The following TMC5 variants were observed in gnomAD, a reference collection of about 807,000 sequenced individuals.
TMC5 encodes transmembrane channel like 5.
Under a neutral mutation model 110.5 loss-of-function variants are expected in TMC5, and 86 were observed. The observed-to-expected ratio is 0.78, with a 90% CI of 0.65 to 0.93. The LOEUF is 0.93. TMC5 is among the 40% of genes least tolerant of loss of function. TMC5 has a pLI of 0.00. For synonymous variants in TMC5, 455 were observed against 439.5 expected (o/e 1.04, Z -0.44); for missense variants, 1,144 against 1,222.8 (o/e 0.94, Z 0.96).
intron 14 of TMC5, among the ~76,000 whole-genome samples, chr16:19,480,621 G>A (rs1239848743): frequency 6.6e-6 from 1 of 151,980 alleles, no homozygotes. Flanking sequence ...CCTGGCCAAC[G>A]TGGTGAAACC....
intron 17 of TMC5, among the ~76,000 whole-genome samples, chr16:19,489,588 C>G (rs1255696070): frequency 1.3e-5 from 2 of 151,862 alleles, no homozygotes; most frequent in East Asian, 3.9e-4. Context: ...CCCGCCTCGG[C>G]CTCCCAAAGT....
At chr16:19,436,000 G>A (rs60928411) in intron 2 of TMC5, among the ~76,000 whole-genome samples, 4,094 of 152,140 alleles carry the variant, frequency 0.027, 183 homozygotes, top group African/African-American at 0.092. Context: ...GGTGGCTCAC[G>A]TCTGTAATCC....
At chr16:19,467,177 A>T (rs12922495) in intron 9 of TMC5, among the ~76,000 whole-genome samples, 17,546 of 152,002 alleles carry the variant, frequency 0.12, 1,323 homozygotes, top group East Asian at 0.37. Context: ...GAAAAGCAAC[A>T]TGCAATCTCT....
At chr16:19,480,413 T>C (rs1347035685) in intron 14 of TMC5, among the ~76,000 whole-genome samples, 1 of 152,212 alleles carries the variant, frequency 6.6e-6, no homozygotes, top group Non-Finnish European at 1.5e-5. Context: ...CTGATGTTGA[T>C]TATTTTCTCA....
intron 9 of TMC5, among the ~76,000 whole-genome samples, chr16:19,469,023 G>T (rs1968257171): frequency 6.6e-6 from 1 of 151,994 alleles, no homozygotes; most frequent in South Asian, 2.1e-4. Context: ...AACAAGAAAA[G>T]ACATTTTCTG....
At chr16:19,444,929 G>C (rs1262701874) in intron 4 of TMC5, among the ~76,000 whole-genome samples, 1 of 152,154 alleles carries the variant, frequency 6.6e-6, no homozygotes, top group Non-Finnish European at 1.5e-5. Context: ...TCAGGAGTTC[G>C]AGACCAGCCT....
At chr16:19,438,405 A>AAG in intron 2 of TMC5, among the ~76,000 whole-genome samples, 1 of 74,180 alleles carries the variant, frequency 1.3e-5, no homozygotes, top group African/African-American at 5.4e-5. Context: ...AAAAAAAAAA[A>AAG]AAAGAAGAAA....
rs1567305139 is a variant in TMC5, at chr16:19,444,266, G to GTC, written c.958+16_958+17insTC. 1 of 1,611,956 alleles carries GTC rather than the reference G, an allele frequency of 6.2e-7. No homozygotes were observed. Among genetic ancestry groups the GTC allele is most frequent in the Non-Finnish European group, 8.5e-7 (1 of 1,179,172 alleles). On this transcript the variant is annotated intron_variant, in intron 4 of 21. Coordinates refer to ENST00000542583, the MANE Select transcript of TMC5 (RefSeq NM_001261841.2). ...AGTGGCTATGGTAAGCATTTGTTAA[G>GTC]CCAGGATCATATCCTGGGAAAAAAC... is the stretch of plus-strand genomic sequence containing the variant.
intron 2 of TMC5, among the ~76,000 whole-genome samples, chr16:19,432,760 G>A (rs2143415394): frequency 6.6e-6 from 1 of 152,312 alleles, no homozygotes; most frequent in South Asian, 2.1e-4. Flanking sequence ...ATGGAACAGA[G>A]AACTGTCCAA....
Position 19,455,757 on chromosome 16 carries a change from C to T in TMC5, c.1049-4478C>T, listed in dbSNP as rs1469678468. On this transcript the variant is annotated intron_variant, in intron 5 of 21. Transcript: ENST00000542583. ...TGGGAAACTTTGAGCACTATGTCTG[C>T]ACAGGAAATGGAGCTTTTGCTGGTG... Among the ~76,000 whole-genome samples, 4 of 152,110 alleles carry T rather than the reference C, an allele frequency of 2.6e-5. No individual in the cohort carries two copies. The South Asian group carries it at 8.3e-4, about 32-fold the overall frequency.
chr16:19,476,422 C>T (rs1387028091), intron 12 of TMC5, among the ~76,000 whole-genome samples: 2 of 152,102 alleles, frequency 1.3e-5, no homozygotes, highest in African/African-American at 4.8e-5. Context: ...CCTCATTATT[C>T]CCCACATCCC....
chr16:19,479,331 C>G lies in TMC5; in HGVS notation c.2170-100C>G, dbSNP rs1192950190. The stretch of plus-strand genomic sequence containing the variant: ...ACACAAGGACTTGGTCAAACCCAAC[C>G]ATTAGCTATGTCCTGATGGGTACAT... On this transcript the variant is annotated intron_variant, in intron 13 of 21. Coordinates refer to ENST00000542583, the MANE Select transcript of TMC5 (RefSeq NM_001261841.2). The G allele has an allele frequency of 6.3e-5, 57 of 903,062 alleles. No individual in the cohort carries two copies. The East Asian group carries it at 1.3e-3, about 21-fold the overall frequency. The allele number at this position is 903,062 out of a possible 1,614,324, so 55.9% of individuals were successfully genotyped here.
intron 15 of TMC5, among the ~76,000 whole-genome samples, chr16:19,481,928 G>A (rs908041170): frequency 2.6e-5 from 4 of 152,106 alleles, no homozygotes; most frequent in Admixed American, 6.5e-5. Flanking sequence ...CTTCTACCAC[G>A]TGGGGACATG....
intron 9 of TMC5, 33 bp downstream of exon 9, chr16:19,466,266 G>T: frequency 6.2e-7 from 1 of 1,607,542 alleles, no homozygotes; most frequent in Admixed American, 1.7e-5. Flanking sequence ...TGATTCTGAG[G>T]GTCATGTTAG....
chr16:19,487,500 A>G (rs1360918261), intron 17 of TMC5, among the ~76,000 whole-genome samples, 174 bp downstream of exon 17: 1 of 152,120 alleles, frequency 6.6e-6, no homozygotes, highest in Non-Finnish European at 1.5e-5. Context: ...CCAGGAGTTC[A>G]GGACCAGCCT....
At chr16:19,459,098 C>A (rs1015240787) in intron 5 of TMC5, among the ~76,000 whole-genome samples, 1 of 151,348 alleles carries the variant, frequency 6.6e-6, no homozygotes, top group Admixed American at 6.6e-5. Flanking sequence ...TCTCAGCACA[C>A]ACCTCTCAGA....
intron 5 of TMC5, among the ~76,000 whole-genome samples, chr16:19,453,011 T>TATTATATA (rs71375640): frequency 2.1e-5 from 3 of 145,486 alleles, no homozygotes; most frequent in African/African-American, 7.4e-5. Context: ...TATATATATA[T>TATTATATA]TATATATATA....
At chr16:19,486,030 T>C (rs1968732209) in intron 15 of TMC5, among the ~76,000 whole-genome samples, 1 of 152,114 alleles carries the variant, frequency 6.6e-6, no homozygotes, top group Non-Finnish European at 1.5e-5. Flanking sequence ...GGGTGGGAGA[T>C]TTCTCTATAA....
chr16:19,491,513 A>G (rs1968904483), intron 18 of TMC5, among the ~76,000 whole-genome samples: 1 of 145,102 alleles, frequency 6.9e-6, no homozygotes, highest in Non-Finnish European at 1.5e-5. Context: ...GGTTATATAT[A>G]CTATCTTCTT....
Sources: allele counts gnomAD v4.1 joint callset (sites outside exome capture counted in the v4.1 genomes callset), GRCh38; gene constraint gnomAD v4.1.1; transcripts MANE v1.5; gene names NCBI Gene and HGNC (gene_info 2026-07-23, HGNC 2026-07-21).